Variants in ZNF737 observed in about 807,000 individuals in gnomAD.
The protein encoded by ZNF737 is zinc finger protein 102 (Y3).
A neutral mutation model predicts 11.7 loss-of-function variants in ZNF737; 13 were observed. The observed-to-expected ratio is 1.11, with a 90% CI of 0.73 to 1.77. The LOEUF (loss-of-function observed/expected upper bound fraction) is 1.77. Ranked by LOEUF, ZNF737 falls within the 40% of genes most tolerant of loss-of-function variation. ZNF737 has a pLI of 0.00. For synonymous variants in ZNF737, 217 were observed against 216.2 expected, an observed-to-expected ratio of 1.00 and a Z score of -0.03; for missense variants, 636 against 638.0, an observed-to-expected ratio of 1.00 and a Z score of 0.03.
intron 3 of ZNF737, among the ~76,000 whole-genome samples, chr19:20,547,284 G>T (rs1326618327): frequency 6.6e-6 from 1 of 151,650 alleles, no homozygotes; most frequent in Admixed American, 6.6e-5. Context: ...CAGAGGCTGA[G>T]GCAGGAGAAT....
At chr19:20,549,579 CAAT>C (rs1413619265) in intron 3 of ZNF737, among the ~76,000 whole-genome samples, 6 of 151,594 alleles carry the variant, frequency 4.0e-5, no homozygotes, top group African/African-American at 9.7e-5. Flanking sequence ...TTCAAAACAA[CAAT>C]AAGAGAAATG....
In ZNF737 at chr19:20,539,609, A is replaced by C; in HGVS notation, c.*4983T>G. 1 of 967,728 alleles carries C rather than the reference A, an allele frequency of 1.0e-6. No homozygotes were observed. The highest frequency in any genetic ancestry group is 4.8e-5 in the South Asian group (1 of 20,934). The allele number at this position is 967,728 out of a possible 1,614,324, so 59.9% of individuals were successfully genotyped here. On this transcript the variant is annotated 3_prime_UTR_variant, in exon 4 of 4. Coordinates refer to ENST00000427401, the MANE Select transcript of ZNF737 (RefSeq NM_001159293.2). The stretch of plus-strand genomic sequence containing the variant: ...CTAATCATGGATTCAAAAAATATTC[A>C]TATTAATGTGTTTACAGTTTAATCT...
At chr19:20,562,014 T>C (rs1969116308) in intron 1 of ZNF737, among the ~76,000 whole-genome samples, 2 of 152,206 alleles carry the variant, frequency 1.3e-5, no homozygotes, top group African/African-American at 2.4e-5. Flanking sequence ...GGAAAATATT[T>C]GTGATTAATA....
chr19:20,532,709 C>T (rs1317563784), downstream of ZNF737, among the ~76,000 whole-genome samples: 3 of 150,102 alleles, frequency 2.0e-5, no homozygotes, highest in African/African-American at 7.4e-5. Flanking sequence ...GTTCGTCTAT[C>T]TAGGAACTGC....
At position 20,541,287 on chromosome 19, in the gene ZNF737, T is replaced by G. The variant is rs1275328712; in HGVS notation, c.*3305A>C. ...CACAAAAACACTCAATTCATAATTT[T>G]CTTACACCTCAGGTTTATCTTCAGA... On this transcript the variant is annotated 3_prime_UTR_variant, in exon 4 of 4. Transcript: ENST00000427401. The G allele has an allele frequency of 7.1e-6, 7 of 984,578 alleles. No homozygotes were observed. The highest frequency in any genetic ancestry group is 8.4e-6 in the Non-Finnish European group (7 of 829,350). The allele number at this position is 984,578 out of a possible 1,614,324, so 61.0% of individuals were successfully genotyped here. A position where few individuals can be genotyped will look rare whatever the true frequency, so the allele number is the denominator to read the frequency against.
In ZNF737 at chr19:20,542,899, C is replaced by G. The variant is rs1442574234; in HGVS notation, c.*1693G>C. 1 of 985,026 alleles carries G rather than the reference C, an allele frequency of 1.0e-6. No homozygotes were observed. Among genetic ancestry groups the G allele is most frequent in the Non-Finnish European group, 1.2e-6 (1 of 829,774 alleles). The allele number at this position is 985,026 out of a possible 1,614,324, so 61.0% of individuals were successfully genotyped here. ...CTGTATTACATCATTATTCAGCTTTCAAAAAATTTTATTCAAGGAAACAAG... is the reference window on the plus strand; with the variant it reads ...CTGTATTACATCATTATTCAGCTTTGAAAAAATTTTATTCAAGGAAACAAG... On this transcript the variant is annotated 3_prime_UTR_variant, in exon 4 of 4. Coordinates refer to ENST00000427401, the MANE Select transcript of ZNF737 (RefSeq NM_001159293.2).
chr19:20,551,089 T>C (rs1261140935), intron 3 of ZNF737: 1 of 152,182 alleles, frequency 6.6e-6, no homozygotes, highest in Non-Finnish European at 1.5e-5. Flanking sequence ...TCAGTTTCGG[T>C]TACCTGAGCC....
chr19:20,564,938 A>ATTTTT (rs33965622), intron 1 of ZNF737, among the ~76,000 whole-genome samples: 77 of 141,576 alleles, frequency 5.4e-4, no homozygotes, highest in African/African-American at 1.9e-3. Context: ...ATAACCAGGA[A>ATTTTT]TTTTTTTTTT....
Position 20,556,044 on chromosome 19 carries a change from T to C in ZNF737, c.4-2209A>G, listed in dbSNP as rs1293538545. Among the ~76,000 whole-genome samples the C allele has an allele frequency of 4.6e-5, 7 of 152,186 alleles. No individual in the cohort carries two copies. The East Asian group carries it at 9.7e-4, about 21-fold the overall frequency. On this transcript the variant is annotated intron_variant, in intron 1 of 3. Coordinates refer to ENST00000427401, the MANE Select transcript of ZNF737 (RefSeq NM_001159293.2). ...GGTTCAGGAAAAATGAGCTGCTCCA[T>C]AAAGATGAAAATATAAGTTTCTCCT...
chr19:20,547,406 A>T (rs1555757320), intron 3 of ZNF737, among the ~76,000 whole-genome samples: 1 of 147,484 alleles, frequency 6.8e-6, no homozygotes, highest in Non-Finnish European at 1.5e-5. Flanking sequence ...AAAAAACACC[A>T]CCTACAGTAA....
Position 20,539,212 on chromosome 19 carries a change from C to G in ZNF737, c.*5380G>C. The G allele has an allele frequency of 1.3e-6, 1 of 747,872 alleles. No homozygotes were observed. The highest frequency in any genetic ancestry group is 6.1e-5 in the South Asian group (1 of 16,394). The allele number at this position is 747,872 out of a possible 1,614,324, so 46.3% of individuals were successfully genotyped here. A position where few individuals can be genotyped will look rare whatever the true frequency, so the allele number is the denominator to read the frequency against. Reference sequence around the variant, plus strand: ...GGCTGAGGCGGAAGAATCACTTGAACCAGGGAGGTGGAGGTTGCAGTGAGC... The same window carrying G: ...GGCTGAGGCGGAAGAATCACTTGAAGCAGGGAGGTGGAGGTTGCAGTGAGC... On this transcript the variant is annotated 3_prime_UTR_variant, in exon 4 of 4. Transcript: ENST00000427401.
In ZNF737 at chr19:20,538,881, AAAAC is replaced by A. The variant is rs1243724299; in HGVS notation, c.*5707_*5710del. The A allele has an allele frequency of 1.0e-6, 1 of 985,198 alleles. No homozygotes were observed. Among genetic ancestry groups the A allele is most frequent in the African/African-American group, 1.7e-5 (1 of 57,210 alleles). The allele number at this position is 985,198 out of a possible 1,614,324, so 61.0% of individuals were successfully genotyped here. ...TAATTTTATACATTTGCTTTTTTGA[AAAAC>A]AAATCTTTTGTTAATTCACTCTAAA... On this transcript the variant is annotated 3_prime_UTR_variant, in exon 4 of 4. Transcript: ENST00000427401.
chr19:20,537,509 CTATTTTT>C (rs1968020557), downstream of ZNF737, among the ~76,000 whole-genome samples: 1 of 58,480 alleles, frequency 1.7e-5, no homozygotes, highest in African/African-American at 8.3e-5. Flanking sequence ...GCCTGGTTTT[CTATTTTT>C]TTTTTTTTTT....
chr19:20,537,606 T>G (rs1349283514), downstream of ZNF737, among the ~76,000 whole-genome samples: 1 of 141,656 alleles, frequency 7.1e-6, no homozygotes, highest in Non-Finnish European at 1.5e-5. Context: ...AGTCTCTTCC[T>G]CCTGGGTTCA....
At chr19:20,555,603 T>G (rs993861185) in intron 1 of ZNF737, among the ~76,000 whole-genome samples, 3 of 152,128 alleles carry the variant, frequency 2.0e-5, no homozygotes, top group African/African-American at 7.2e-5. Flanking sequence ...ACATGAGAAG[T>G]TATGATGTAG....
intron 2 of ZNF737, among the ~76,000 whole-genome samples, chr19:20,553,388 A>G (rs1472316356): frequency 2.0e-5 from 3 of 151,980 alleles, no homozygotes; most frequent in African/African-American, 7.3e-5. Flanking sequence ...CTTCCCAATT[A>G]GCTGGGATTA....
rs367818120 is a variant in ZNF737, at chr19:20,540,864, CTA to C, written c.*3726_*3727del. 1.7e-3 allele frequency: 1,615 copies of C among 948,100 alleles called. 17 individuals are homozygous for C. The African/African-American group carries it at 0.025, about 15-fold the overall frequency. 58.7% of individuals were successfully genotyped at this position (948,100 alleles called of 1,614,324 possible). On this transcript the variant is annotated 3_prime_UTR_variant, in exon 4 of 4. Transcript: ENST00000427401. The stretch of plus-strand genomic sequence containing the variant: ...TTTTAGTTTTATTCATTACAAATAA[CTA>C]TTTTTCTGGCTTAAATTATTTTTTA...
chr19:20,546,646 C>A (rs528331712), intron 3 of ZNF737, among the ~76,000 whole-genome samples: 1 of 152,262 alleles, frequency 6.6e-6, no homozygotes, highest in South Asian at 2.1e-4. Context: ...ATAATCCTAA[C>A]ACTTTGGGAG....
At chr19:20,564,140 T>A (rs1333750138) in intron 1 of ZNF737, 1 of 152,078 alleles carries the variant, frequency 6.6e-6, no homozygotes, top group Non-Finnish European at 1.5e-5. Context: ...CACTCCAACC[T>A]GTTGACAGAG....
Sources: gnomAD v4.1 joint callset for allele counts (sites outside exome capture counted in the v4.1 genomes callset) on GRCh38, gnomAD v4.1.1 for gene constraint, MANE v1.5 for transcripts, NCBI Gene and HGNC (gene_info 2026-07-23, HGNC 2026-07-21) for gene names.